Variants in UTY observed in about 807,000 individuals in gnomAD.
UTY encodes the protein histone demethylase UTY.
In UTY, 12 loss-of-function variants were observed where a neutral mutation model predicts 32.5. The observed-to-expected ratio is 0.37, with a 90% CI of 0.24 to 0.60. The LOEUF (loss-of-function observed/expected upper bound fraction) is 0.60, where lower values mean the gene tolerates loss of function less well. UTY is among the 20% of genes least tolerant of loss of function. The probability of loss-of-function intolerance (pLI) is 0.69; values close to 1 mark genes in which losing one functional copy is unlikely to be tolerated. For synonymous variants in UTY, 131 were observed against 103.4 expected (o/e 1.27, Z -1.62); for missense variants, 303 against 299.2 (o/e 1.01, Z -0.09).
intron 8 of UTY, chrY:13,393,277 T>C: frequency 3.0e-5 from 1 of 33,537 alleles, no homozygotes; most frequent in African/African-American, 1.2e-4. Flanking sequence ...GTTTAAATAT[T>C]ATAATAAAAT....
chrY:13,343,483 C>T (rs751148032), intron 17 of UTY, among the ~76,000 whole-genome samples: 1 of 32,742 alleles, frequency 3.1e-5, no homozygotes, highest in East Asian at 8.2e-4. Context: ...ACAGAAAGCC[C>T]CCGTTGTGTT....
At chrY:13,293,338 G>T in intron 27 of UTY, among the ~76,000 whole-genome samples, 1 of 32,308 alleles carries the variant, frequency 3.1e-5, no homozygotes. Context: ...TTTTTTTGAG[G>T]CGGAGTCTCA....
intron 8 of UTY, among the ~76,000 whole-genome samples, chrY:13,373,733 C>T (rs1008801128): frequency 6.5e-4 from 22 of 33,705 alleles, no homozygotes; most frequent in Non-Finnish European, 3.0e-4. Context: ...GAAATACAGT[C>T]AGTATAGCAT....
rs2054010014 is a variant in UTY, at chrY:13,249,773, T to C, written c.*83A>G. ...CATAGACATAGCTTTTAGTCAACAG[T>C]TTTATGAAACAGCTACAAAACCAGT... On this transcript the variant is annotated 3_prime_UTR_variant, in exon 30 of 30. Coordinates refer to ENST00000545955, the MANE Select transcript of UTY (RefSeq NM_001258249.2). 1 of 142,133 alleles carries C rather than the reference T, an allele frequency of 7.0e-6. No homozygotes were observed. Among genetic ancestry groups the C allele is most frequent in the African/African-American group, 9.2e-5 (1 of 10,911 alleles). 35.5% of individuals were successfully genotyped at this position (142,133 alleles called of 400,897 possible). A position where few individuals can be genotyped will look rare whatever the true frequency, so the allele number is the denominator to read the frequency against.
intron 6 of UTY, among the ~76,000 whole-genome samples, chrY:13,397,929 G>A: frequency 3.1e-5 from 1 of 32,733 alleles, no homozygotes; most frequent in Admixed American, 2.8e-4. Context: ...AATTTTCAGA[G>A]CCTCCACTAC....
At chrY:13,463,310 G>C (rs891028581) in intron 3 of UTY, among the ~76,000 whole-genome samples, 1 of 32,919 alleles carries the variant, frequency 3.0e-5, no homozygotes, top group African/African-American at 1.2e-4. Context: ...ATTGTGAATA[G>C]TGCCTCAATA....
intron 10 of UTY, among the ~76,000 whole-genome samples, chrY:13,363,361 T>C: frequency 3.0e-5 from 1 of 32,852 alleles, no homozygotes; most frequent in African/African-American, 1.2e-4. Flanking sequence ...AATTTTGGTA[T>C]TTTGGGTACA....
Position 13,458,212 on chromosome Y carries a change from C to T in UTY, c.326-9146G>A, listed in dbSNP as rs941230809. On this transcript the variant is annotated intron_variant, in intron 3 of 29. Coordinates refer to ENST00000545955, the MANE Select transcript of UTY (RefSeq NM_001258249.2). ...AGGTCTTTGCTATTGTGAATAGTGC[C>T]GATATAAACATATGTGTGCATGTGT... Among the ~76,000 whole-genome samples the T allele has an allele frequency of 1.8e-4, 6 of 33,276 alleles. No homozygotes were observed. The South Asian group carries it at 2.0e-3, about 11-fold the overall frequency. 89.3% of individuals were successfully genotyped at this position (33,276 alleles called of 37,273 possible). A position where few individuals can be genotyped will look rare whatever the true frequency, so the allele number is the denominator to read the frequency against.
intron 10 of UTY, 34 bp downstream of exon 10, chrY:13,366,233 A>G: frequency 2.7e-6 from 1 of 369,719 alleles, no homozygotes; most frequent in Non-Finnish European, 3.8e-6. Flanking sequence ...TACATTACAA[A>G]TAAACTCTAG....
intron 8 of UTY, among the ~76,000 whole-genome samples, chrY:13,378,978 G>A: frequency 3.1e-5 from 1 of 31,776 alleles, no homozygotes; most frequent in African/African-American, 1.2e-4. Flanking sequence ...CGTGAGCCAC[G>A]GGACCCCACC....
chrY:13,465,322 T>C (rs2077814631), intron 3 of UTY, among the ~76,000 whole-genome samples: 1 of 33,260 alleles, frequency 3.0e-5, no homozygotes, highest in Admixed American at 2.7e-4. Flanking sequence ...TGAGTTATAA[T>C]GCTTCTGGCT....
intron 7 of UTY, 66 bp from the exon 8 acceptor site, chrY:13,393,959 G>C: frequency 4.1e-6 from 1 of 243,264 alleles, no homozygotes; most frequent in Non-Finnish European, 5.8e-6. Context: ...ACAAAAAGTA[G>C]GGATAATATA....
intron 9 of UTY, among the ~76,000 whole-genome samples, chrY:13,368,942 CCCA>C (rs2064589227): frequency 3.0e-5 from 1 of 32,974 alleles, no homozygotes; most frequent in Non-Finnish European, 7.4e-5. Flanking sequence ...GTCTATGCTA[CCCA>C]CACAGTAGTC....
chrY:13,314,896 A>C (rs938147154), intron 21 of UTY, among the ~76,000 whole-genome samples: 4 of 34,511 alleles, frequency 1.2e-4, no homozygotes, highest in Non-Finnish European at 2.2e-4. Flanking sequence ...AATTACAATA[A>C]ACAAAATTGG....
At position 13,332,624 on chromosome Y, in the gene UTY, T is replaced by C. The variant is rs758016318; in HGVS notation, c.2834+2939A>G. On this transcript the variant is annotated intron_variant, in intron 18 of 29. Coordinates refer to ENST00000545955, the MANE Select transcript of UTY (RefSeq NM_001258249.2). ...ATAAGAGCTATTTATGGCAAACCCA[T>C]AGCCAATATCATATGGAATGTGCAA... Among the ~76,000 whole-genome samples the C allele has an allele frequency of 1.2e-4, 4 of 33,699 alleles. No homozygotes were observed. In the East Asian group the frequency reaches 3.1e-3, roughly 26 times the overall value. The allele number at this position is 33,699 out of a possible 37,273, so 90.4% of individuals were successfully genotyped here. A position where few individuals can be genotyped will look rare whatever the true frequency, so the allele number is the denominator to read the frequency against.
chrY:13,312,006 T>C, intron 21 of UTY, among the ~76,000 whole-genome samples: 1 of 33,425 alleles, frequency 3.0e-5, no homozygotes, highest in Admixed American at 2.7e-4. Context: ...ATATCCAGAA[T>C]CTACAAAGAA....
chrY:13,293,096 T>C, intron 27 of UTY, among the ~76,000 whole-genome samples: 1 of 33,679 alleles, frequency 3.0e-5, no homozygotes, highest in African/African-American at 1.2e-4. Flanking sequence ...TCAAACTCTA[T>C]TGATATTTAA....
chrY:13,366,200 T>G, intron 10 of UTY, 67 bp downstream of exon 10: 7 of 333,029 alleles, frequency 2.1e-5, no homozygotes, highest in Non-Finnish European at 2.9e-5. Context: ...CAGATTACAT[T>G]TTATAAAATC....
intron 14 of UTY, 140 bp downstream of exon 14, chrY:13,358,324 T>G: frequency 2.9e-6 from 1 of 339,886 alleles, no homozygotes; most frequent in Non-Finnish European, 3.9e-6. Flanking sequence ...CTATATTTAA[T>G]GTGATGCAAA....
Sources: gnomAD v4.1 joint callset for allele counts (sites outside exome capture counted in the v4.1 genomes callset) on GRCh38, gnomAD v4.1.1 for gene constraint, MANE v1.5 for transcripts, NCBI Gene and HGNC (gene_info 2026-07-23, HGNC 2026-07-21) for gene names.